The following FBXO33 variants were observed in gnomAD, a reference collection of about 807,000 sequenced individuals.
The protein encoded by FBXO33 is F-box only protein 33.
FBXO33 carries 22 observed loss-of-function variants against 46.3 expected under a neutral mutation model. The observed-to-expected ratio is 0.48, with a 90% CI of 0.34 to 0.68. The LOEUF (loss-of-function observed/expected upper bound fraction) is 0.68, where lower values mean the gene tolerates loss of function less well. Among genes scored for constraint, FBXO33 ranks in the 30% least tolerant of loss-of-function variants. The pLI, the probability that FBXO33 is intolerant of heterozygous loss-of-function variation, is 0.01. For synonymous variants in FBXO33, 337 were observed against 291.3 expected (o/e 1.16, Z -1.60); for missense variants, 692 against 708.8 (o/e 0.98, Z 0.27).
chr14:39,407,790 ACT>A (rs1271634839), intron 1 of FBXO33, among the ~76,000 whole-genome samples: 2 of 151,910 alleles, frequency 1.3e-5, no homozygotes, highest in African/African-American at 2.4e-5. Flanking sequence ...TCCTGATTAC[ACT>A]CTTTTTGTAT....
In FBXO33 at chr14:39,398,020, A is replaced by G. The variant is rs1180736887; in HGVS notation, c.*1496T>C. ...AACAGTGCACACCTGTCAAAAGGTC[A>G]TTTTAATATAAGATGGTAAAACCAT... On this transcript the variant is annotated 3_prime_UTR_variant, in exon 4 of 4. Coordinates refer to ENST00000298097, the MANE Select transcript of FBXO33 (RefSeq NM_203301.4). 6.5e-6 allele frequency: 1 copy of G among 152,674 alleles called. No individual in the cohort carries two copies. Among genetic ancestry groups the G allele is most frequent in the African/African-American group, 2.4e-5 (1 of 41,462 alleles). The allele number at this position is 152,674 out of a possible 1,614,324, so 9.5% of individuals were successfully genotyped here. A position where few individuals can be genotyped will look rare whatever the true frequency, so the allele number is the denominator to read the frequency against.
At position 39,401,588 on chromosome 14, in the gene FBXO33, A is replaced by G. The variant is rs777947116; in HGVS notation, c.984T>C (p.Asp328=). Reference sequence around the variant, plus strand: ...GTCGTTGCAAAGGCACATGGTTGCTATCAGTTAAGACTCTTGCCATCTCAG... The same window carrying G: ...GTCGTTGCAAAGGCACATGGTTGCTGTCAGTTAAGACTCTTGCCATCTCAG... ...FTAEMARVLT[D]SNHVPLQRLS... is the part of the protein sequence containing the mutation. The change falls in exon 3 of 4, where the codon GAT becomes GAC. Residue 328 remains aspartate, a synonymous_variant. Coordinates refer to ENST00000298097, the MANE Select transcript of FBXO33 (RefSeq NM_203301.4). The G allele has an allele frequency of 1.2e-6, 2 of 1,614,094 alleles. No individual in the cohort carries two copies. The highest frequency in any genetic ancestry group is 1.7e-5 in the Admixed American group (1 of 60,004).
At chr14:39,401,898 C>A in intron 2 of FBXO33, 37 bp from the exon 3 acceptor site, 1 of 1,491,316 alleles carries the variant, frequency 6.7e-7, no homozygotes, top group Non-Finnish European at 9.1e-7. Context: ...ATCCCATTAA[C>A]ATTTAGTTCT....
chr14:39,422,024 G>A (rs2075487703), intron 1 of FBXO33, among the ~76,000 whole-genome samples: 1 of 152,156 alleles, frequency 6.6e-6, no homozygotes, highest in African/African-American at 2.4e-5. Context: ...TTGTGAGGCT[G>A]AGGCAGGTGG....
intron 1 of FBXO33, among the ~76,000 whole-genome samples, chr14:39,430,903 C>A (rs779012519): frequency 6.6e-6 from 1 of 152,070 alleles, no homozygotes; most frequent in Non-Finnish European, 1.5e-5. Context: ...CCCTCGCTGC[C>A]CGCCCGCCTC....
At chr14:39,427,608 A>T (rs1260228778) in intron 1 of FBXO33, among the ~76,000 whole-genome samples, 1 of 152,110 alleles carries the variant, frequency 6.6e-6, no homozygotes, top group Admixed American at 6.5e-5. Flanking sequence ...CTTAGGTAGT[A>T]ATCTGAAATG....
intron 1 of FBXO33, among the ~76,000 whole-genome samples, chr14:39,418,883 T>C (rs2075464557): frequency 6.6e-6 from 1 of 152,170 alleles, no homozygotes; most frequent in Admixed American, 6.5e-5. Flanking sequence ...ATTTAAAATG[T>C]TCTACCAATG....
At chr14:39,421,312 T>C (rs1408208254) in intron 1 of FBXO33, among the ~76,000 whole-genome samples, 5 of 152,194 alleles carry the variant, frequency 3.3e-5, no homozygotes, top group Admixed American at 2.0e-4. Flanking sequence ...CCTTTTTTTG[T>C]TCACCTTAAG....
Position 39,399,800 on chromosome 14 carries a change from C to G in FBXO33, c.1397-13G>C, listed in dbSNP as rs1219195763. 6.6e-7 allele frequency: 1 copy of G among 1,525,538 alleles called. No homozygotes were observed. The highest frequency in any genetic ancestry group is 1.9e-5 in the Admixed American group (1 of 51,676). 94.5% of individuals were successfully genotyped at this position (1,525,538 alleles called of 1,614,324 possible). A position where few individuals can be genotyped will look rare whatever the true frequency, so the allele number is the denominator to read the frequency against. ...CACACCGTGTAACCTGAAAAATAAA[C>G]AAAAGACAACACTGTAATTTCCTTG... On this transcript the variant is annotated splice_polypyrimidine_tract_variant and intron_variant, in intron 3 of 3. Coordinates refer to ENST00000298097, the MANE Select transcript of FBXO33 (RefSeq NM_203301.4).
At chr14:39,400,294 CAT>C (rs1471213362) in intron 3 of FBXO33, among the ~76,000 whole-genome samples, 12 of 152,104 alleles carry the variant, frequency 7.9e-5, no homozygotes, top group South Asian at 4.1e-4. Context: ...ATAAAACAAT[CAT>C]GTGAATGATA....
At chr14:39,424,548 G>C (rs1034820486) in intron 1 of FBXO33, among the ~76,000 whole-genome samples, 1 of 152,106 alleles carries the variant, frequency 6.6e-6, no homozygotes, top group African/African-American at 2.4e-5. Flanking sequence ...ACAAATTTAG[G>C]GGGCAGACCA....
chr14:39,430,273 C>T (rs1206466656), intron 1 of FBXO33, among the ~76,000 whole-genome samples: 2 of 152,182 alleles, frequency 1.3e-5, no homozygotes, highest in African/African-American at 2.4e-5. Flanking sequence ...GCTGTGGAAA[C>T]GCACAGGCAA....
rs557650803 is a variant in FBXO33 at position 39,401,421 on chromosome 14, A to G, written c.1151T>C (p.Met384Thr). 2.2e-5 allele frequency: 36 copies of G among 1,614,226 alleles called. No homozygotes were observed. The South Asian group carries it at 2.9e-4, about 13-fold the overall frequency. The change falls in exon 3 of 4, where the codon ATG (methionine) becomes ACG (threonine). Residue 384 changes from methionine (M) to threonine (T), a missense_variant. Around this residue, in one of 3 missense-constraint regions of FBXO33, gnomAD observed 186 missense variants for 246.1 expected, o/e 0.76. Transcript: ENST00000298097. ...IMAFDIKSED[M>T]LKILKPSIPL... Reference sequence around the variant, plus strand: ...TATACTGGGTTTCAGAATCTTTAACATATCTTCACTCTTGATATCAAAAGC... The same window carrying G: ...TATACTGGGTTTCAGAATCTTTAACGTATCTTCACTCTTGATATCAAAAGC...
At chr14:39,401,928 T>C in intron 2 of FBXO33, 67 bp from the exon 3 acceptor site, 3 of 1,304,138 alleles carry the variant, frequency 2.3e-6, no homozygotes, top group South Asian at 2.9e-5. Context: ...ACACTGACTT[T>C]TGAAAATAGG....
chr14:39,408,375 T>C (rs981828627), intron 1 of FBXO33, among the ~76,000 whole-genome samples: 1 of 152,170 alleles, frequency 6.6e-6, no homozygotes, highest in South Asian at 2.1e-4. Context: ...TATGTCTTCT[T>C]TGGAGAAATG....
chr14:39,420,156 T>C (rs1290322915), intron 1 of FBXO33, among the ~76,000 whole-genome samples: 7 of 152,236 alleles, frequency 4.6e-5, no homozygotes, highest in Admixed American at 3.3e-4. Context: ...GCCAATGACA[T>C]GAAAAGTTAT....
At chr14:39,400,037 A>G (rs2075361596) in intron 3 of FBXO33, among the ~76,000 whole-genome samples, 1 of 152,248 alleles carries the variant, frequency 6.6e-6, no homozygotes, top group Non-Finnish European at 1.5e-5. Context: ...CAGGTGATCT[A>G]ATCCTTTATG....
chr14:39,402,262 A>G, intron 2 of FBXO33, 139 bp downstream of exon 2: 1 of 460,634 alleles, frequency 2.2e-6, no homozygotes, highest in East Asian at 3.4e-5. Flanking sequence ...TGATCACTGT[A>G]TTTCACCATT....
intron 1 of FBXO33, among the ~76,000 whole-genome samples, chr14:39,403,803 C>CTT (rs36096381): frequency 5.1e-5 from 7 of 138,484 alleles, no homozygotes; most frequent in Non-Finnish European, 7.8e-5. Context: ...AATACCATTT[C>CTT]TTTTTTTTTT....
Sources: gnomAD v4.1 joint callset for allele counts (sites outside exome capture counted in the v4.1 genomes callset) on GRCh38, gnomAD v4.1.1 for gene constraint, gnomAD v4.1.1 regional missense constraint, MANE v1.5 for transcripts, NCBI Gene and HGNC (gene_info 2026-07-23, HGNC 2026-07-21) for gene names.